The following OGN variants were observed in gnomAD, a reference collection of about 807,000 sequenced individuals.
OGN encodes osteoglycin, also known as mimecan.
In OGN, 19 loss-of-function variants were observed where a neutral mutation model predicts 30.8. The observed-to-expected ratio is 0.62, with a 90% CI of 0.43 to 0.90. The LOEUF (loss-of-function observed/expected upper bound fraction) is 0.90. OGN is among the 40% of genes least tolerant of loss of function. OGN has a pLI of 0.00. For missense variants in OGN, 283 were observed against 349.7 expected (o/e 0.81, Z 1.52); for synonymous variants, 126 against 128.3 (o/e 0.98, Z 0.12).
At chr9:92,389,797 C>CT in intron 5 of OGN, 57 bp downstream of exon 5, 1 of 1,187,216 alleles carries the variant, frequency 8.4e-7, no homozygotes, top group African/African-American at 1.5e-5. Flanking sequence ...CAAAGTTTCT[C>CT]TTTTATCTAT....
At position 92,383,812 on chromosome 9, in the gene OGN, TC is replaced by T. The variant is rs1447901801; in HGVS notation, c.*1807del. ...TAAAACTACTGACTTTTGAATTTTT[TC>T]TTAATTTGAGAGTTATTTGATGGTG... On this transcript the variant is annotated 3_prime_UTR_variant, in exon 7 of 7. Coordinates refer to ENST00000375561, the MANE Select transcript of OGN (RefSeq NM_014057.5). Among the ~76,000 whole-genome samples, 2 of 152,156 alleles carry T rather than the reference TC, an allele frequency of 1.3e-5. No homozygotes were observed. The highest frequency in any genetic ancestry group is 2.9e-5 in the Non-Finnish European group (2 of 68,006).
intron 4 of OGN, among the ~76,000 whole-genome samples, chr9:92,391,753 C>T (rs1346099716): frequency 6.6e-6 from 1 of 152,206 alleles, no homozygotes; most frequent in African/African-American, 2.4e-5. Flanking sequence ...TTACCTTGTT[C>T]AACCTCAGAT....
rs1278515402 is a variant in OGN at position 92,383,503 on chromosome 9, A to C, written c.*2117T>G. On this transcript the variant is annotated 3_prime_UTR_variant, in exon 7 of 7. Transcript: ENST00000375561. ...TTAGTAAAAAGTAAATCATTTAAAA[A>C]TTTAAAGCCTCTAATTATTAGTGTC... Among the ~76,000 whole-genome samples, 1 of 152,164 alleles carries C rather than the reference A, an allele frequency of 6.6e-6. No individual in the cohort carries two copies.
rs773073761 is a variant in OGN, at chr9:92,393,184, T to A, written c.329A>T (p.Asp110Val). 3.6e-5 allele frequency: 58 copies of A among 1,613,712 alleles called. No individual in the cohort carries two copies. The highest frequency in any genetic ancestry group is 4.3e-5 in the Non-Finnish European group (51 of 1,179,830). ...LSGSVYCEEV[D>V]IDAVPPLPKE... ...TGGTAAGGGTGGTACAGCATCAATG[T>A]CAACTTCTTCACAGTATACAGAGCC... Residue 110 changes from aspartate (D) to valine (V), a missense_variant, in exon 4 of 7, where the codon GAC (aspartate) becomes GTC (valine). Coordinates refer to ENST00000375561, the MANE Select transcript of OGN (RefSeq NM_014057.5).
intron 3 of OGN, among the ~76,000 whole-genome samples, chr9:92,396,229 T>G (rs559492280): frequency 6.6e-6 from 1 of 152,352 alleles, no homozygotes; most frequent in South Asian, 2.1e-4. Context: ...TTTAACATTT[T>G]TATGCCAATA....
chr9:92,400,721 G>A (rs1028672231), intron 3 of OGN, among the ~76,000 whole-genome samples: 13 of 152,186 alleles, frequency 8.5e-5, no homozygotes, highest in Non-Finnish European at 1.5e-4. Flanking sequence ...ATGTATATGT[G>A]TGTTTCTGTT....
chr9:92,390,451 A>G (rs1842624863), intron 4 of OGN, among the ~76,000 whole-genome samples: 1 of 151,990 alleles, frequency 6.6e-6, no homozygotes, highest in Non-Finnish European at 1.5e-5. Flanking sequence ...TTGCGTTGTG[A>G]TTCTGAGTAT....
rs937609440 is a variant in OGN, at chr9:92,403,273, T to C, written c.135A>G (p.Gln45=). 1.2e-6 allele frequency: 2 copies of C among 1,603,672 alleles called. No homozygotes were observed. The highest frequency in any genetic ancestry group is 1.7e-6 in the Non-Finnish European group (2 of 1,171,596). Residue 45 remains glutamine (Q), a synonymous_variant, in exon 2 of 7, where the codon CAA becomes CAG. Transcript: ENST00000375561. ...CATCCAGGTATTTATCCTCATAATC[T>C]TGGCTAAATATGGATTCTTCAAAAT... ...TDNFEESIFS[Q]DYEDKYLDGK...
intron 5 of OGN, among the ~76,000 whole-genome samples, chr9:92,388,871 T>C (rs1028311072): frequency 2.0e-5 from 3 of 150,860 alleles, no homozygotes; most frequent in Admixed American, 1.3e-4. Flanking sequence ...TTTTAAAAAG[T>C]CCTCTAAGAG....
chr9:92,394,705 A>G (rs1001900414), intron 3 of OGN, among the ~76,000 whole-genome samples: 50 of 151,886 alleles, frequency 3.3e-4, no homozygotes, highest in African/African-American at 1.2e-3. Flanking sequence ...CCCGGGTTCA[A>G]GCAATTCTCC....
intron 1 of OGN, among the ~76,000 whole-genome samples, chr9:92,404,088 G>T (rs577326027): frequency 6.6e-6 from 1 of 152,142 alleles, no homozygotes; most frequent in African/African-American, 2.4e-5. Flanking sequence ...TTGCAGGCTA[G>T]AGGAAATACC....
intron 4 of OGN, among the ~76,000 whole-genome samples, chr9:92,391,991 A>G (rs1188801011): frequency 6.6e-6 from 1 of 151,860 alleles, no homozygotes; most frequent in Non-Finnish European, 1.5e-5. Flanking sequence ...ATAAATGTGT[A>G]GCGGGGCTAG....
chr9:92,401,115 A>T lies in OGN; in HGVS notation c.245T>A (p.Leu82Ter). 1 of 1,509,748 alleles carries T rather than the reference A, an allele frequency of 6.6e-7. No homozygotes were observed. Among genetic ancestry groups the T allele is most frequent in the Non-Finnish European group, 9.2e-7 (1 of 1,087,224 alleles). The allele number at this position is 1,509,748 out of a possible 1,614,324, so 93.5% of individuals were successfully genotyped here. ...QLQKDEAITPLPPKKENDEMP... is the reference protein window; with the variant it reads ...QLQKDEAITP The stretch of plus-strand genomic sequence containing the variant: ...ACCATCATTTTCTTTCTTGGGAGGT[A>T]ATGGTGTTATTGCCTCATCTTTTTG... Residue 82 changes from leucine to a stop codon, truncating the protein, a stop_gained, in exon 3 of 7, where the codon TTA becomes TAA. Transcript: ENST00000375561. LOFTEE classifies it high-confidence loss of function.
intron 3 of OGN, among the ~76,000 whole-genome samples, chr9:92,398,253 C>A (rs1842973450): frequency 6.6e-6 from 1 of 152,154 alleles, no homozygotes; most frequent in African/African-American, 2.4e-5. Flanking sequence ...ATTTGAAGCA[C>A]AATCAAGTTT....
At chr9:92,401,063 C>T (rs752094485) in intron 3 of OGN, 29 bp downstream of exon 3, 2 of 1,020,006 alleles carry the variant, frequency 2.0e-6, no homozygotes, top group African/African-American at 1.6e-5. Flanking sequence ...TTAAAAGATC[C>T]ATTTGAAAAA....
chr9:92,401,132 A>C lies in OGN; in HGVS notation c.228T>G (p.Asp76Glu), dbSNP rs1194912498. 5 of 1,556,990 alleles carry C rather than the reference A, an allele frequency of 3.2e-6. No individual in the cohort carries two copies. The highest frequency in any genetic ancestry group is 4.4e-6 in the Non-Finnish European group (5 of 1,129,776). ...TGGGAGGTAATGGTGTTATTGCCTC[A>C]TCTTTTTGTAATTGAAGACTTTTCT... is the stretch of plus-strand genomic sequence containing the variant. ...PNEKSLQLQK[D>E]EAITPLPPKK... The change falls in exon 3 of 7, where the codon GAT (aspartate) becomes GAG (glutamate). Residue 76 changes from aspartate to glutamate, a missense_variant. Coordinates refer to ENST00000375561, the MANE Select transcript of OGN (RefSeq NM_014057.5).
At position 92,395,278 on chromosome 9, in the gene OGN, T is replaced by C. The variant is rs565486328; in HGVS notation, c.269-2034A>G. Reference sequence around the variant, plus strand: ...GTTTGCATTTAGGAGAATTTTATATTAAAAGAATCATGGAGTATCTACTTC... The same window carrying C: ...GTTTGCATTTAGGAGAATTTTATATCAAAAGAATCATGGAGTATCTACTTC... On this transcript the variant is annotated intron_variant, in intron 3 of 6. Transcript: ENST00000375561. 4.6e-5 allele frequency among the ~76,000 whole-genome samples: 7 copies of C among 152,326 alleles called. No homozygotes were observed. In the East Asian group the frequency reaches 1.2e-3, roughly 25 times the overall value.
chr9:92,397,317 G>A (rs2130915843), intron 3 of OGN, among the ~76,000 whole-genome samples: 1 of 152,122 alleles, frequency 6.6e-6, no homozygotes, highest in East Asian at 1.9e-4. Context: ...AAAGCACTGG[G>A]GGTTTTTTTG....
At position 92,389,905 on chromosome 9, in the gene OGN, A is replaced by C; in HGVS notation, c.579T>G (p.Asn193Lys). 2 of 1,613,196 alleles carry C rather than the reference A, an allele frequency of 1.2e-6. No homozygotes were observed. The highest frequency in any genetic ancestry group is 8.5e-7 in the Non-Finnish European group (1 of 1,179,556). ...PVLPPKLTLF[N>K]AKYNKIKSRG... ...TACTCTTGATTTTGTTGTATTTTGCATTAAATAAAGTGAGCTTGGGAGGAA... is the reference window on the plus strand; with the variant it reads ...TACTCTTGATTTTGTTGTATTTTGCCTTAAATAAAGTGAGCTTGGGAGGAA... Residue 193 changes from asparagine to lysine, a missense_variant, in exon 5 of 7, where the codon AAT becomes AAG. Coordinates refer to ENST00000375561, the MANE Select transcript of OGN (RefSeq NM_014057.5).
Sources: allele counts gnomAD v4.1 joint callset (sites outside exome capture counted in the v4.1 genomes callset), GRCh38; gene constraint gnomAD v4.1.1; transcripts MANE v1.5; gene names NCBI Gene and HGNC (gene_info 2026-07-23, HGNC 2026-07-21).